INIP: variants seen among roughly 807,000 people sequenced by gnomAD.
INIP encodes SOSS complex subunit C.
A neutral mutation model predicts 14.0 loss-of-function variants in INIP; 9 were observed. The ratio of observed to expected loss-of-function variants is 0.64; its 90% CI spans 0.39 to 1.12. The LOEUF (loss-of-function observed/expected upper bound fraction) is 1.12. Among genes scored for constraint, INIP ranks in the 50% most tolerant of loss-of-function variants. The pLI, the probability that INIP is intolerant of heterozygous loss-of-function variation, is 0.01. For synonymous variants in INIP, 37 were observed against 41.5 expected (o/e 0.89, Z 0.41); for missense variants, 78 against 122.7 (o/e 0.64, Z 1.72).
intron 3 of INIP, among the ~76,000 whole-genome samples, chr9:112,692,689 TG>T (rs1275537430): frequency 3.4e-5 from 5 of 147,992 alleles, no homozygotes; most frequent in African/African-American, 1.3e-4. Context: ...GATTAAAAAG[TG>T]GGGCACTAGC....
intron 3 of INIP, 91 bp downstream of exon 3, chr9:112,694,040 A>G (rs1837987297): frequency 2.6e-6 from 2 of 767,596 alleles, no homozygotes; most frequent in African/African-American, 1.8e-5. Flanking sequence ...GCACCATTGC[A>G]CTCCAGCCTG....
At chr9:112,688,607 G>A (rs934276746) in intron 4 of INIP, among the ~76,000 whole-genome samples, 8 of 151,988 alleles carry the variant, frequency 5.3e-5, no homozygotes, top group Non-Finnish European at 8.8e-5. Flanking sequence ...GATCATTTGA[G>A]GCCAGGAGTT....
chr9:112,716,009 T>C (rs1226694068), intron 2 of INIP, among the ~76,000 whole-genome samples: 1 of 152,178 alleles, frequency 6.6e-6, no homozygotes, highest in East Asian at 1.9e-4. Context: ...GTCATTGACC[T>C]AAACATCATT....
intron 2 of INIP, among the ~76,000 whole-genome samples, chr9:112,697,932 T>C (rs1217406446): frequency 2.0e-5 from 3 of 152,190 alleles, no homozygotes; most frequent in South Asian, 4.1e-4. Flanking sequence ...TGGAAATCCT[T>C]CCATAAACAG....
chr9:112,715,133 T>TACACACACACACACAC (rs58647648), intron 2 of INIP, among the ~76,000 whole-genome samples: 5 of 133,430 alleles, frequency 3.7e-5, no homozygotes, highest in African/African-American at 1.1e-4. Context: ...CATACATACA[T>TACACACACACACACAC]ACACACACAC....
intron 2 of INIP, among the ~76,000 whole-genome samples, chr9:112,705,110 C>CAAAAAAAAAA (rs1194911436): frequency 2.2e-5 from 1 of 46,018 alleles, no homozygotes; most frequent in Non-Finnish European, 3.9e-5. Context: ...GACCCTGTCT[C>CAAAAAAAAAA]AAAAAAAAAA....
In INIP at chr9:112,686,219, T is replaced by C. The variant is rs1173196844; in HGVS notation, c.*1319A>G. 6.6e-6 allele frequency: 1 copy of C among 152,150 alleles called. No homozygotes were observed. Among genetic ancestry groups the C allele is most frequent in the African/African-American group, 2.4e-5 (1 of 41,424 alleles). 9.4% of individuals were successfully genotyped at this position (152,150 alleles called of 1,614,324 possible). A position where few individuals can be genotyped will look rare whatever the true frequency, so the allele number is the denominator to read the frequency against. On this transcript the variant is annotated 3_prime_UTR_variant, in exon 5 of 5. Coordinates refer to ENST00000374242, the MANE Select transcript of INIP (RefSeq NM_021218.3). ...TATTAAAAGTTAAAAAAAATGTAGA[T>C]TTTAGCTAAATGACCTCTAAGTTTC... is the stretch of plus-strand genomic sequence containing the variant.
At chr9:112,688,085 CAAATAAAT>C (rs3033103) in intron 4 of INIP, among the ~76,000 whole-genome samples, 2,849 of 145,692 alleles carry the variant, frequency 0.02, 103 homozygotes, top group African/African-American at 0.062. Context: ...GACTCCATCT[CAAATAAAT>C]AAATAAATAA....
intron 2 of INIP, among the ~76,000 whole-genome samples, chr9:112,711,257 TCTCTAGAACATGATGTGGACTCC>T (rs1311426241): frequency 6.6e-6 from 1 of 151,072 alleles, no homozygotes; most frequent in East Asian, 1.9e-4. Context: ...AGTCCGGGAG[TCTCTAGAACATGATGTGGACTCC>T]CTCTGCTGGT....
chr9:112,701,575 G>A (rs1203005813), intron 2 of INIP, among the ~76,000 whole-genome samples: 1 of 152,144 alleles, frequency 6.6e-6, no homozygotes, highest in Non-Finnish European at 1.5e-5. Flanking sequence ...GGAATCCAAA[G>A]GTGAGTTCTT....
At chr9:112,704,569 G>A (rs1368698400) in intron 2 of INIP, among the ~76,000 whole-genome samples, 2 of 152,106 alleles carry the variant, frequency 1.3e-5, no homozygotes, top group African/African-American at 2.4e-5. Context: ...GGGAACTAAT[G>A]CACACCAACA....
chr9:112,683,949 T>A lies in INIP; in HGVS notation c.*3589A>T, dbSNP rs1837565937. On this transcript the variant is annotated 3_prime_UTR_variant, in exon 5 of 5. Coordinates refer to ENST00000374242, the MANE Select transcript of INIP (RefSeq NM_021218.3). Reference sequence around the variant, plus strand: ...TATGCCTTTGAAATCACTAAGTCATTTCAGTTTTTATTCCAGGGTCAAAGC... The same window carrying A: ...TATGCCTTTGAAATCACTAAGTCATATCAGTTTTTATTCCAGGGTCAAAGC... 1 of 142,938 alleles carries A rather than the reference T, an allele frequency of 7.0e-6. No homozygotes were observed. The highest frequency in any genetic ancestry group is 1.6e-5 in the Non-Finnish European group (1 of 64,364). The allele number at this position is 142,938 out of a possible 1,614,324, so 8.9% of individuals were successfully genotyped here.
intron 2 of INIP, 50 bp from the exon 3 acceptor site, chr9:112,694,283 G>T: frequency 8.7e-7 from 1 of 1,147,456 alleles, no homozygotes; most frequent in Non-Finnish European, 1.3e-6. Context: ...AGAGTAATCA[G>T]AAACATTTTA....
chr9:112,696,261 C>A (rs1339125570), intron 2 of INIP, among the ~76,000 whole-genome samples: 1 of 152,060 alleles, frequency 6.6e-6, no homozygotes, highest in African/African-American at 2.4e-5. Context: ...CATCCTAACT[C>A]CAATCCCTTT....
chr9:112,707,443 C>T (rs1438892693), intron 2 of INIP, among the ~76,000 whole-genome samples: 1 of 151,762 alleles, frequency 6.6e-6, no homozygotes, highest in Non-Finnish European at 1.5e-5. Flanking sequence ...CGTATGTTCT[C>T]ATTTTCTCAT....
chr9:112,696,373 C>A (rs867818077), intron 2 of INIP, among the ~76,000 whole-genome samples: 5 of 152,144 alleles, frequency 3.3e-5, no homozygotes, highest in African/African-American at 1.2e-4. Flanking sequence ...CTTATGGATA[C>A]GCCTGTCTCG....
At chr9:112,701,340 G>A (rs996215636) in intron 2 of INIP, among the ~76,000 whole-genome samples, 1 of 152,128 alleles carries the variant, frequency 6.6e-6, no homozygotes, top group South Asian at 2.1e-4. Flanking sequence ...CCACTAAGGA[G>A]AGTTATGTTG....
chr9:112,691,740 C>T (rs889467892), intron 3 of INIP, among the ~76,000 whole-genome samples: 4 of 152,122 alleles, frequency 2.6e-5, no homozygotes, highest in Non-Finnish European at 5.9e-5. Context: ...CCGGGTGCAG[C>T]GGCTCACGCC....
chr9:112,702,102 T>C (rs931922416), intron 2 of INIP, among the ~76,000 whole-genome samples: 1 of 152,014 alleles, frequency 6.6e-6, no homozygotes, highest in African/African-American at 2.4e-5. Context: ...ACACACATAA[T>C]TCTTGAAAAG....
Sources: allele counts gnomAD v4.1 joint callset (sites outside exome capture counted in the v4.1 genomes callset), GRCh38; gene constraint gnomAD v4.1.1; transcripts MANE v1.5; gene names NCBI Gene and HGNC (gene_info 2026-07-23, HGNC 2026-07-21).